The following DIP2C variants were observed in gnomAD, a reference collection of about 807,000 sequenced individuals.
DIP2C encodes the protein disco-interacting protein 2 homolog C.
Under a neutral mutation model 192.4 loss-of-function variants are expected in DIP2C, and 33 were observed. The observed-to-expected ratio is 0.17, with a 90% confidence interval of 0.13 to 0.23. The LOEUF is 0.23. Ranked by LOEUF, DIP2C falls within the 10% of genes least tolerant of loss-of-function variation. The probability of loss-of-function intolerance (pLI) is 1.00; values close to 1 mark genes in which losing one functional copy is unlikely to be tolerated. For synonymous variants in DIP2C, 979 were observed against 864.1 expected, an observed-to-expected ratio of 1.13 and a Z score of -2.33; for missense variants, 1,537 against 2,110.1, an observed-to-expected ratio of 0.73 and a Z score of 5.32.
Position 363,440 on chromosome 10 carries a change from T to G in DIP2C, c.2478-129A>C. On this transcript the variant is annotated intron_variant, in intron 20 of 36. Transcript: ENST00000280886. The surrounding 1 kb of genome is among the most constrained non-coding windows in gnomAD (Gnocchi z 5.4). ...CCAACTACGACTTCAAAACGGCCGC[T>G]GTACTTCCGAATTTCCCCACACTCA... 62 of 691,126 alleles carry G rather than the reference T, an allele frequency of 9.0e-5. No individual in the cohort carries two copies. Among genetic ancestry groups the G allele is most frequent in the Non-Finnish European group, 1.2e-4 (49 of 406,192 alleles). The allele number at this position is 691,126 out of a possible 1,614,324, so 42.8% of individuals were successfully genotyped here.
chr10:424,355 GTTTTT>G (rs557255878), intron 4 of DIP2C, among the ~76,000 whole-genome samples: 9 of 83,120 alleles, frequency 1.1e-4, no homozygotes, highest in South Asian at 9.0e-4. Flanking sequence ...ATCACCTTGG[GTTTTT>G]TTTTTTTTTT....
chr10:378,364 C>T (rs1004736030), intron 17 of DIP2C, among the ~76,000 whole-genome samples: 2 of 152,132 alleles, frequency 1.3e-5, no homozygotes, highest in Admixed American at 6.5e-5. Context: ...AAGGCACACA[C>T]ATCAACACAA....
chr10:576,013 C>T (rs192202658), intron 1 of DIP2C, among the ~76,000 whole-genome samples: 19 of 152,340 alleles, frequency 1.2e-4, no homozygotes, highest in Admixed American at 5.2e-4. Context: ...CTGTCCTGCT[C>T]CTGAGGCCAC....
intron 24 of DIP2C, among the ~76,000 whole-genome samples, chr10:352,401 T>C (rs1958863017): frequency 6.6e-6 from 1 of 152,240 alleles, no homozygotes; most frequent in Admixed American, 6.5e-5. Context: ...GGTTGATGTC[T>C]TTCAGGGCTG....
chr10:290,799 G>C (rs1057226482), intron 32 of DIP2C, among the ~76,000 whole-genome samples: 1 of 152,222 alleles, frequency 6.6e-6, no homozygotes, highest in African/African-American at 2.4e-5. Context: ...AGCCAAAACC[G>C]AGGGCTGTTT....
chr10:353,321 A>G (rs529765902), intron 24 of DIP2C, among the ~76,000 whole-genome samples: 2 of 152,332 alleles, frequency 1.3e-5, no homozygotes, highest in South Asian at 4.1e-4. Context: ...CTAAATTTAT[A>G]TTTTAAAATT....
intron 32 of DIP2C, among the ~76,000 whole-genome samples, chr10:305,895 C>T (rs1187380437): frequency 1.2e-4 from 18 of 151,826 alleles, no homozygotes; most frequent in Admixed American, 1.2e-3. Flanking sequence ...GATTCTCCTG[C>T]CTTGGCCTCC....
chr10:370,455 A>T (rs1205536042), intron 17 of DIP2C, among the ~76,000 whole-genome samples: 1 of 152,042 alleles, frequency 6.6e-6, no homozygotes, highest in East Asian at 1.9e-4. Flanking sequence ...TCCCCTCAGA[A>T]AACACCCCCC....
chr10:377,937 A>G (rs1961826717), intron 17 of DIP2C, among the ~76,000 whole-genome samples: 1 of 152,316 alleles, frequency 6.6e-6, no homozygotes, highest in African/African-American at 2.4e-5. Flanking sequence ...GCTAAAAATT[A>G]TGTTTTTCAG....
intron 6 of DIP2C, among the ~76,000 whole-genome samples, chr10:418,331 G>A (rs532410923): frequency 3.3e-5 from 5 of 151,848 alleles, no homozygotes; most frequent in Non-Finnish European, 7.4e-5. Flanking sequence ...CACTGTGCCT[G>A]TCGGGGCTCT....
chr10:687,811 C>T (rs1041240381), intron 1 of DIP2C, among the ~76,000 whole-genome samples: 11 of 152,224 alleles, frequency 7.2e-5, no homozygotes, highest in Non-Finnish European at 1.5e-4. Flanking sequence ...ACTCTGGGAA[C>T]AAATGTGGGT....
chr10:686,207 T>TC (rs1160704728), intron 1 of DIP2C, among the ~76,000 whole-genome samples: 2 of 152,100 alleles, frequency 1.3e-5, no homozygotes, highest in Non-Finnish European at 2.9e-5. Flanking sequence ...TCCTTGACCC[T>TC]CCCCAGAATG....
chr10:409,393 G>C (rs1323209217), intron 8 of DIP2C, among the ~76,000 whole-genome samples: 1 of 152,148 alleles, frequency 6.6e-6, no homozygotes, highest in African/African-American at 2.4e-5. Flanking sequence ...CAGGGAGCGG[G>C]AGGGCCCTGA....
chr10:533,801 G>A (rs777831818), intron 1 of DIP2C, among the ~76,000 whole-genome samples: 2 of 152,016 alleles, frequency 1.3e-5, no homozygotes, highest in Admixed American at 6.5e-5. Context: ...TCCTGAGGCC[G>A]TGTCACAGAT....
intron 34 of DIP2C, among the ~76,000 whole-genome samples, chr10:284,929 G>A (rs1001729967): frequency 1.2e-4 from 18 of 152,196 alleles, no homozygotes; most frequent in Admixed American, 8.5e-4. Context: ...AATTTCGCCA[G>A]TTCTGGCCAC....
At chr10:656,534 T>G (rs1232047059) in intron 1 of DIP2C, among the ~76,000 whole-genome samples, 1 of 152,240 alleles carries the variant, frequency 6.6e-6, no homozygotes, top group African/African-American at 2.4e-5. Context: ...AGTGCACATT[T>G]CATGATAATC....
rs148503463 is a variant in DIP2C at position 556,661 on chromosome 10, G to A, written c.86-70131C>T. On this transcript the variant is annotated intron_variant, in intron 1 of 36. Coordinates refer to ENST00000280886, the MANE Select transcript of DIP2C (RefSeq NM_014974.3). ...TTGCCACCCTGCCCACTGGGGCCTG[G>A]CCCTGCATCCTGTCCACACTTCCAT... is the stretch of plus-strand genomic sequence containing the variant. Among the ~76,000 whole-genome samples the A allele has an allele frequency of 2.2e-3, 340 of 152,050 alleles. 2 individuals are homozygous for A. The highest frequency in any genetic ancestry group is 6.9e-3 in the African/African-American group (288 of 41,468).
intron 23 of DIP2C, among the ~76,000 whole-genome samples, chr10:356,865 C>G (rs1959106005): frequency 6.6e-6 from 1 of 152,222 alleles, no homozygotes; most frequent in African/African-American, 2.4e-5. Context: ...ACAGAAATCC[C>G]TTCTCCTGGG....
rs376659616 is a variant in DIP2C at position 371,015 on chromosome 10, C to T, written c.1992-1382G>A. On this transcript the variant is annotated intron_variant, in intron 17 of 36. Coordinates refer to ENST00000280886, the MANE Select transcript of DIP2C (RefSeq NM_014974.3). ...GTCTCCCCAAATAAGAAAACCCACA[C>T]GGAACTACCTAGATAGGGCGAGCTC... 1.1e-4 allele frequency among the ~76,000 whole-genome samples: 17 copies of T among 152,286 alleles called. No homozygotes were observed. In the East Asian group the frequency reaches 2.1e-3, roughly 19 times the overall value.
Sources: allele counts gnomAD v4.1 joint callset (sites outside exome capture counted in the v4.1 genomes callset), GRCh38; gene constraint gnomAD v4.1.1; non-coding constraint Gnocchi (gnomAD v3.1); transcripts MANE v1.5; gene names NCBI Gene and HGNC (gene_info 2026-07-23, HGNC 2026-07-21).